UBR3: variants seen among roughly 807,000 people sequenced by gnomAD.
UBR3 encodes the protein E3 ubiquitin-protein ligase UBR3.
A neutral mutation model predicts 243.2 loss-of-function variants in UBR3; 85 were observed. That is an observed-to-expected ratio of 0.35 (90% CI 0.29 to 0.42). The LOEUF (loss-of-function observed/expected upper bound fraction) is 0.42, where lower values mean the gene tolerates loss of function less well. Ranked by LOEUF, UBR3 falls within the 10% of genes least tolerant of loss-of-function variation. The pLI, the probability that UBR3 is intolerant of heterozygous loss-of-function variation, is 1.00. For missense variants in UBR3, 1,686 were observed against 2,300.8 expected (o/e 0.73, Z 5.47); for synonymous variants, 748 against 799.8 (o/e 0.94, Z 1.09).
intron 22 of UBR3, among the ~76,000 whole-genome samples, chr2:169,948,359 A>C (rs2086869024): frequency 6.6e-6 from 1 of 151,994 alleles, no homozygotes; most frequent in African/African-American, 2.4e-5. Flanking sequence ...TATGGCAATT[A>C]ACTTTGATAA....
chr2:170,016,471 A>G (rs931048951), intron 30 of UBR3, among the ~76,000 whole-genome samples: 16 of 151,868 alleles, frequency 1.1e-4, no homozygotes, highest in African/African-American at 3.9e-4. Flanking sequence ...CTTTACTAGT[A>G]TGTTTCAAAG....
At chr2:169,899,950 G>A (rs1434929056) in intron 8 of UBR3, among the ~76,000 whole-genome samples, 1 of 151,874 alleles carries the variant, frequency 6.6e-6, no homozygotes, top group African/African-American at 2.4e-5. Context: ...GAACAGTGCC[G>A]CAATATACAT....
chr2:169,991,521 T>C (rs2089271929), intron 25 of UBR3, among the ~76,000 whole-genome samples: 1 of 152,198 alleles, frequency 6.6e-6, no homozygotes, highest in South Asian at 2.1e-4. Context: ...TAGCTATGAA[T>C]AACAAAAGGA....
chr2:169,856,000 G>T (rs1288382525), intron 1 of UBR3, among the ~76,000 whole-genome samples: 1 of 151,358 alleles, frequency 6.6e-6, no homozygotes, highest in East Asian at 2.0e-4. Flanking sequence ...CCAGATGGGG[G>T]GGCTGCCAGG....
intron 25 of UBR3, 52 bp from the exon 26 acceptor site, chr2:169,994,271 G>A (rs2089401174): frequency 1.9e-6 from 3 of 1,595,642 alleles, no homozygotes; most frequent in Non-Finnish European, 2.6e-6. Flanking sequence ...TGGAGTTACA[G>A]GTCTATGGCA....
At chr2:169,940,370 T>C (rs1181165129) in intron 19 of UBR3, among the ~76,000 whole-genome samples, 1 of 152,180 alleles carries the variant, frequency 6.6e-6, no homozygotes, top group Non-Finnish European at 1.5e-5. Flanking sequence ...CTTCTGAATT[T>C]CTAAGAGCAT....
intron 31 of UBR3, among the ~76,000 whole-genome samples, chr2:170,030,351 G>T (rs1268384614): frequency 6.6e-6 from 1 of 152,062 alleles, no homozygotes; most frequent in Non-Finnish European, 1.5e-5. Context: ...CAGTCTGGGT[G>T]CTAGAGGGCA....
chr2:169,873,251 C>T (rs1408081626), intron 2 of UBR3, among the ~76,000 whole-genome samples: 1 of 152,120 alleles, frequency 6.6e-6, no homozygotes, highest in Non-Finnish European at 1.5e-5. Flanking sequence ...ATAATGTCCT[C>T]ATTTCTAAAA....
chr2:169,875,770 T>G (rs2083584354), intron 2 of UBR3, 21 bp from the exon 3 acceptor site: 1 of 1,497,762 alleles, frequency 6.7e-7, no homozygotes, highest in Non-Finnish European at 8.9e-7. Flanking sequence ...TTATTTGATT[T>G]TTTTTCTTTT....
rs115908719 is a variant in UBR3, at chr2:170,019,465, G to A, written c.4453+4099G>A. 5.9e-3 allele frequency among the ~76,000 whole-genome samples: 905 copies of A among 152,140 alleles called. 5 individuals carry two copies. The highest frequency in any genetic ancestry group is 0.017 in the East Asian group (89 of 5,160). Reference sequence around the variant, plus strand: ...TTGGGAAGCTGAGGTTGGGAGGATCGCTTGAGTCCAAAAGTTGTTAACAGC... The same window carrying A: ...TTGGGAAGCTGAGGTTGGGAGGATCACTTGAGTCCAAAAGTTGTTAACAGC... On this transcript the variant is annotated intron_variant, in intron 30 of 38. Coordinates refer to ENST00000272793, the MANE Select transcript of UBR3 (RefSeq NM_172070.4).
At chr2:169,841,016 G>T (rs1329288111) in intron 1 of UBR3, among the ~76,000 whole-genome samples, 1 of 152,152 alleles carries the variant, frequency 6.6e-6, no homozygotes. Flanking sequence ...TGGACCTGTG[G>T]TGGGTATGGC....
intron 33 of UBR3, 56 bp from the exon 34 acceptor site, chr2:170,061,023 T>C (rs559687208): frequency 2.6e-6 from 3 of 1,163,498 alleles, no homozygotes; most frequent in Non-Finnish European, 3.6e-6. Context: ...TTATTTCCAA[T>C]GTAAATTTTT....
chr2:169,979,565 GC>G (rs2088625989), intron 24 of UBR3, among the ~76,000 whole-genome samples: 1 of 152,142 alleles, frequency 6.6e-6, no homozygotes, highest in Admixed American at 6.5e-5. Flanking sequence ...ATACCGTCCA[GC>G]AATAAAAAGG....
intron 32 of UBR3, 119 bp downstream of exon 32, chr2:170,041,104 A>G: frequency 2.2e-6 from 2 of 926,676 alleles, no homozygotes; most frequent in Non-Finnish European, 3.2e-6. Context: ...GCACTTTAGG[A>G]GGCTGAGGTG....
chr2:170,016,892 A>T, intron 30 of UBR3: 1 of 833,698 alleles, frequency 1.2e-6, no homozygotes, highest in Non-Finnish European at 1.6e-6. Flanking sequence ...CCAATATAGA[A>T]AAAGTCATGA....
intron 24 of UBR3, chr2:169,965,083 G>C (rs911430806): frequency 2.6e-6 from 1 of 387,250 alleles, no homozygotes; most frequent in Non-Finnish European, 5.2e-6. Flanking sequence ...TCTCTTTCCA[G>C]AGATATCTGA....
intron 36 of UBR3, among the ~76,000 whole-genome samples, chr2:170,075,202 T>A (rs542458565): frequency 3.4e-4 from 52 of 151,964 alleles, no homozygotes; most frequent in African/African-American, 9.9e-4. Context: ...ACCCTTTTTT[T>A]AAAAAAAAAG....
At chr2:169,890,553 A>ATGTGTATATATATATATG (rs1279934080) in intron 5 of UBR3, among the ~76,000 whole-genome samples, 7 of 96,416 alleles carry the variant, frequency 7.3e-5, no homozygotes, top group Non-Finnish European at 1.9e-5. Context: ...ATATATATAT[A>ATGTGTATATATATATATG]TATATATATA....
rs146825523 is a variant in UBR3 at position 169,888,252 on chromosome 2, C to G, written c.1039-2913C>G. ...CTCCCGGGTTCAAGCAATTCTCCAGCCTCAGCCTGCCGAGTAGCTGGGATT... is the reference window on the plus strand; with the variant it reads ...CTCCCGGGTTCAAGCAATTCTCCAGGCTCAGCCTGCCGAGTAGCTGGGATT... On this transcript the variant is annotated intron_variant, in intron 5 of 38. Coordinates refer to ENST00000272793, the MANE Select transcript of UBR3 (RefSeq NM_172070.4). 8.1e-3 allele frequency among the ~76,000 whole-genome samples: 1,231 copies of G among 151,996 alleles called. 32 individuals are homozygous for G. In the East Asian group the frequency reaches 0.086, roughly 11 times the overall value.
Sources: gnomAD v4.1 joint callset for allele counts (sites outside exome capture counted in the v4.1 genomes callset) on GRCh38, gnomAD v4.1.1 for gene constraint, MANE v1.5 for transcripts, NCBI Gene and HGNC (gene_info 2026-07-23, HGNC 2026-07-21) for gene names.